The following PDE10A variants were observed in gnomAD, a reference collection of about 807,000 sequenced individuals.
PDE10A encodes the protein cAMP and cAMP-inhibited cGMP 3',5'-cyclic phosphodiesterase 10A.
A neutral mutation model predicts 97.7 loss-of-function variants in PDE10A; 39 were observed. The observed-to-expected ratio is 0.40, with a 90% CI of 0.31 to 0.52. The LOEUF is 0.52. Among genes scored for constraint, PDE10A ranks in the 20% least tolerant of loss-of-function variants. PDE10A has a pLI of 0.56. For synonymous variants in PDE10A, 371 were observed against 376.8 expected (o/e 0.98, Z 0.18); for missense variants, 731 against 1,047.8 (o/e 0.70, Z 4.17).
intron 3 of PDE10A, among the ~76,000 whole-genome samples, chr6:165,451,641 A>G (rs2128250541): frequency 6.6e-6 from 1 of 152,308 alleles, no homozygotes; most frequent in Middle Eastern, 3.4e-3. Context: ...AAGGTCTATT[A>G]CTTGCTGTTT....
intron 1 of PDE10A, among the ~76,000 whole-genome samples, chr6:165,551,126 G>T (rs1416220463): frequency 6.6e-6 from 1 of 152,112 alleles, no homozygotes; most frequent in African/African-American, 2.4e-5. Context: ...CTGTGTGTGT[G>T]TTCTCCCCAA....
At chr6:165,448,904 CA>C in intron 5 of PDE10A, 23 bp downstream of exon 5, 1 of 1,542,044 alleles carries the variant, frequency 6.5e-7, no homozygotes. Context: ...TCTAGAGCAC[CA>C]AAATCTAAAT....
At position 165,392,665 on chromosome 6, in the gene PDE10A, G is replaced by C; in HGVS notation, c.2435C>G (p.Thr812Arg). 1.2e-6 allele frequency: 2 copies of C among 1,613,950 alleles called. No individual in the cohort carries two copies. The highest frequency in any genetic ancestry group is 1.7e-6 in the Non-Finnish European group (2 of 1,179,832). The change falls in exon 16 of 22, where the codon ACG (threonine) becomes AGG (arginine). Residue 812 changes from threonine (T) to arginine (R), a missense_variant. Coordinates refer to ENST00000539869, the MANE Select transcript of PDE10A (RefSeq NM_001385079.1). ...ACCCACCTCAAGGTCTGTGAAAAGC[G>C]TGTGATTGTTCTGAAGTATGGCATA... ...CMYAILQNNH[T>R]LFTDLERKGL...
intron 1 of PDE10A, among the ~76,000 whole-genome samples, chr6:165,971,958 A>G (rs1384983947): frequency 6.6e-6 from 1 of 152,220 alleles, no homozygotes; most frequent in Non-Finnish European, 1.5e-5. Context: ...TAAACCTGTT[A>G]AAGTATAGAA....
At chr6:165,539,984 A>G (rs1021128449) in intron 2 of PDE10A, among the ~76,000 whole-genome samples, 1 of 152,194 alleles carries the variant, frequency 6.6e-6, no homozygotes, top group Non-Finnish European at 1.5e-5. Context: ...TTAAATGAGT[A>G]TGAGGGACAG....
intron 2 of PDE10A, among the ~76,000 whole-genome samples, chr6:165,507,218 T>C (rs1425833686): frequency 6.6e-6 from 1 of 152,088 alleles, no homozygotes; most frequent in Non-Finnish European, 1.5e-5. Context: ...GCTCTCAGTT[T>C]GGGTAGAAGT....
chr6:165,848,620 G>T (rs2128474466), intron 1 of PDE10A, among the ~76,000 whole-genome samples: 1 of 152,316 alleles, frequency 6.6e-6, no homozygotes, highest in Non-Finnish European at 1.5e-5. Context: ...GGGTGGTGAT[G>T]CTCCACTATA....
chr6:165,911,991 A>G (rs1782472280), intron 1 of PDE10A, among the ~76,000 whole-genome samples: 1 of 151,924 alleles, frequency 6.6e-6, no homozygotes, highest in Non-Finnish European at 1.5e-5. Context: ...CTAAATATAT[A>G]TATATATATA....
intron 3 of PDE10A, among the ~76,000 whole-genome samples, chr6:165,459,321 C>T (rs148449026): frequency 7.2e-5 from 11 of 152,104 alleles, no homozygotes; most frequent in African/African-American, 1.9e-4. Context: ...GCTTTTCACA[C>T]GTCCTAATGA....
At chr6:165,697,663 G>A (rs1478511384) in intron 1 of PDE10A, among the ~76,000 whole-genome samples, 6 of 152,058 alleles carry the variant, frequency 3.9e-5, no homozygotes, top group South Asian at 2.1e-4. Context: ...TAGAGTAGTC[G>A]AATTCATCAA....
chr6:165,336,471 C>T (rs189422659), intron 20 of PDE10A, among the ~76,000 whole-genome samples: 38 of 152,084 alleles, frequency 2.5e-4, no homozygotes, highest in Admixed American at 4.6e-4. Flanking sequence ...GAAATCTGGC[C>T]GGGCGCGGTG....
intron 1 of PDE10A, chr6:165,773,125 A>T (rs1274129285): frequency 6.6e-6 from 1 of 152,212 alleles, no homozygotes; most frequent in African/African-American, 2.4e-5. Context: ...ACAAACCATG[A>T]TCTTAAAATA....
At chr6:165,541,198 A>T (rs1511745) in intron 2 of PDE10A, among the ~76,000 whole-genome samples, 15,723 of 152,122 alleles carry the variant, frequency 0.1, 1,297 homozygotes, top group East Asian at 0.3. Context: ...CATTCTGCTA[A>T]GTGGCTCTAT....
At chr6:165,573,253 G>A (rs577613) in intron 1 of PDE10A, among the ~76,000 whole-genome samples, 129,857 of 150,934 alleles carry the variant, frequency 0.86, 57,675 homozygotes, top group East Asian at 1. Context: ...CAATTTGGCC[G>A]TAGAGCATGT....
rs534577447 is a variant in PDE10A at position 165,883,126 on chromosome 6, C to T, written c.-615+104403G>A. Reference sequence around the variant, plus strand: ...TGGCGCACGCCTGCAGTCCCAGCTACTCAGGAGGCTGAGACAGGAGAATTG... The same window carrying T: ...TGGCGCACGCCTGCAGTCCCAGCTATTCAGGAGGCTGAGACAGGAGAATTG... On this transcript the variant is annotated intron_variant, in intron 1 of 19. Transcript: ENST00000366882. Among the ~76,000 whole-genome samples, 51 of 152,198 alleles carry T rather than the reference C, an allele frequency of 3.4e-4. 1 individual carries two copies. The highest frequency in any genetic ancestry group is 1.2e-4 in the Non-Finnish European group (8 of 68,040).
intron 1 of PDE10A, among the ~76,000 whole-genome samples, chr6:165,778,679 C>A (rs376507105): frequency 6.6e-6 from 1 of 152,186 alleles, no homozygotes; most frequent in South Asian, 2.1e-4. Context: ...CCATCAATAA[C>A]GGGTAAGGAT....
At chr6:165,773,219 C>G (rs1004903690) in intron 1 of PDE10A, 1 of 152,154 alleles carries the variant, frequency 6.6e-6, no homozygotes, top group Non-Finnish European at 1.5e-5. Flanking sequence ...CTCTTGTTTA[C>G]TTATTGGGGA....
chr6:165,484,969 T>C (rs768749318), intron 2 of PDE10A, among the ~76,000 whole-genome samples: 7 of 152,006 alleles, frequency 4.6e-5, no homozygotes, highest in Non-Finnish European at 8.8e-5. Context: ...GAAGACCTCA[T>C]CATGAGAAAG....
At chr6:165,817,506 T>C (rs924576996) in intron 1 of PDE10A, among the ~76,000 whole-genome samples, 2 of 151,934 alleles carry the variant, frequency 1.3e-5, no homozygotes, top group African/African-American at 4.8e-5. Flanking sequence ...TTGGGTTGGG[T>C]GGTTAAGCAT....
Sources: allele counts gnomAD v4.1 joint callset (sites outside exome capture counted in the v4.1 genomes callset), GRCh38; gene constraint gnomAD v4.1.1; transcripts MANE v1.5; gene names NCBI Gene and HGNC (gene_info 2026-07-23, HGNC 2026-07-21).